The following COL4A6 variants were observed in gnomAD, a reference collection of about 807,000 sequenced individuals.
COL4A6 encodes the protein collagen alpha-6(IV) chain.
Under a neutral mutation model 126.7 loss-of-function variants are expected in COL4A6, and 59 were observed. The observed-to-expected ratio is 0.47, with a 90% CI of 0.38 to 0.58. The LOEUF (loss-of-function observed/expected upper bound fraction) is 0.58, where lower values mean the gene tolerates loss of function less well. Ranked by LOEUF, COL4A6 falls within the 20% of genes least tolerant of loss-of-function variation. COL4A6 has a pLI of 0.00. For synonymous variants in COL4A6, 547 were observed against 496.6 expected (o/e 1.10, Z -1.35); for missense variants, 1,285 against 1,337.3 (o/e 0.96, Z 0.61).
intron 3 of COL4A6, among the ~76,000 whole-genome samples, chrX:108,289,242 A>AGTGT (rs34639525): frequency 0.11 from 9,887 of 91,166 alleles, 503 homozygotes; most frequent in East Asian, 0.24. Context: ...CAATGAGTAT[A>AGTGT]GTGTGTGTGT....
At chrX:108,244,867 G>C (rs1204129737) in intron 3 of COL4A6, among the ~76,000 whole-genome samples, 1 of 111,823 alleles carries the variant, frequency 8.9e-6, no homozygotes, top group Non-Finnish European at 1.9e-5. Flanking sequence ...GGCTAGGCTT[G>C]ACCCAAGGAA....
At chrX:108,160,770 T>A (rs2033906439) in intron 42 of COL4A6, 116 bp from the exon 43 acceptor site, 3 of 659,097 alleles carry the variant, frequency 4.6e-6, no homozygotes, top group South Asian at 8.6e-5. Context: ...TCTCACTCAA[T>A]CCTCACGATG....
At chrX:108,432,854 AC>A (rs1197535908) in intron 2 of COL4A6, among the ~76,000 whole-genome samples, 2 of 111,686 alleles carry the variant, frequency 1.8e-5, no homozygotes, top group Non-Finnish European at 3.8e-5. Flanking sequence ...AAACAAAAAA[AC>A]AAAACAAAAC....
chrX:108,165,576 G>T, intron 37 of COL4A6, 90 bp from the exon 38 acceptor site: 1 of 593,042 alleles, frequency 1.7e-6, no homozygotes. Flanking sequence ...CTCACACAGA[G>T]AAAATGGAAG....
rs2041367425 is a variant in COL4A6, at chrX:108,413,378, A to G, written c.63+24564T>C. Among the ~76,000 whole-genome samples, 2 of 112,301 alleles carry G rather than the reference A, an allele frequency of 1.8e-5. 1 individual carries two copies. Among genetic ancestry groups the G allele is most frequent in the Admixed American group, 1.9e-4 (2 of 10,655 alleles). On this transcript the variant is annotated intron_variant, in intron 2 of 44. Coordinates refer to ENST00000334504, the MANE Select transcript of COL4A6 (RefSeq NM_033641.4). Reference sequence around the variant, plus strand: ...GTGTCATTCCAGTCCATGTGAGCTGATTCAGCATGTTCTTTAGGATCCAAA... The same window carrying G: ...GTGTCATTCCAGTCCATGTGAGCTGGTTCAGCATGTTCTTTAGGATCCAAA...
chrX:108,287,219 C>T (rs1294956253), intron 3 of COL4A6, among the ~76,000 whole-genome samples: 2 of 112,086 alleles, frequency 1.8e-5, no homozygotes, highest in Admixed American at 1.9e-4. Context: ...ACTGTTTAAA[C>T]GTCTTTGTCT....
intron 3 of COL4A6, among the ~76,000 whole-genome samples, chrX:108,242,902 TA>T (rs776303309): frequency 1.4e-4 from 16 of 111,191 alleles, no homozygotes; most frequent in Non-Finnish European, 2.3e-4. Flanking sequence ...AACAATCCCA[TA>T]GCATATAAAA....
intron 3 of COL4A6, among the ~76,000 whole-genome samples, chrX:108,266,362 C>T (rs2037302907): frequency 9.0e-6 from 1 of 111,536 alleles, no homozygotes; most frequent in Non-Finnish European, 1.9e-5. Context: ...AAGAATGGAG[C>T]TAGTAATGCT....
At chrX:108,378,030 G>T (rs1204598985) in intron 2 of COL4A6, among the ~76,000 whole-genome samples, 1 of 108,078 alleles carries the variant, frequency 9.3e-6, no homozygotes, top group Non-Finnish European at 1.9e-5. Flanking sequence ...ATTAAAGTAG[G>T]CAGTCCATTT....
Position 108,179,423 on chromosome X carries a change from C to T in COL4A6, c.2147G>A (p.Arg716His), listed in dbSNP as rs373881788. The T allele has an allele frequency of 7.3e-5, 88 of 1,201,437 alleles. No homozygotes were observed. The highest frequency in any genetic ancestry group is 1.1e-4 in the African/African-American group (6 of 56,975). ...AAACCCAGGCAAGCCCTTCTCCCCA[C>T]GAGGTCCAGGAAATCCTAAACGTAA... ...LPELPGFPGP[R>H]GEKGLPGFPG... Residue 716 changes from arginine to histidine, a missense_variant, in exon 26 of 45, where the codon CGT (arginine) becomes CAT (histidine). By Grantham distance (29) the Arg-to-His change is conservative. Transcript: ENST00000334504.
At chrX:108,195,678 A>G (rs1354958914) in intron 14 of COL4A6, among the ~76,000 whole-genome samples, 1 of 112,220 alleles carries the variant, frequency 8.9e-6, no homozygotes, top group Non-Finnish European at 1.9e-5. Context: ...GGAATTTGAT[A>G]GAAAGGCTGG....
chrX:108,331,912 T>C (rs1349039303), intron 2 of COL4A6, among the ~76,000 whole-genome samples: 1 of 111,225 alleles, frequency 9.0e-6, no homozygotes, highest in African/African-American at 3.3e-5. Flanking sequence ...ATATGTTGAG[T>C]AGCAGTGAAG....
intron 3 of COL4A6, among the ~76,000 whole-genome samples, chrX:108,229,570 A>T (rs1029185005): frequency 2.7e-5 from 3 of 112,613 alleles, no homozygotes; most frequent in African/African-American, 9.7e-5. Flanking sequence ...ACAGGATCAA[A>T]GACCACACTT....
At chrX:108,229,953 G>T (rs1343545228) in intron 3 of COL4A6, among the ~76,000 whole-genome samples, 1 of 112,333 alleles carries the variant, frequency 8.9e-6, no homozygotes, top group Non-Finnish European at 1.9e-5. Flanking sequence ...AAACTATAAG[G>T]ATTTAGTGCC....
At chrX:108,257,490 C>A (rs1427635574) in intron 3 of COL4A6, among the ~76,000 whole-genome samples, 4 of 111,603 alleles carry the variant, frequency 3.6e-5, no homozygotes, top group Non-Finnish European at 7.5e-5. Context: ...CTAAGGTAGA[C>A]CCATTACTGT....
intron 2 of COL4A6, among the ~76,000 whole-genome samples, chrX:108,337,978 GAT>G (rs1359647088): frequency 9.0e-6 from 1 of 111,001 alleles, no homozygotes; most frequent in Non-Finnish European, 1.9e-5. Flanking sequence ...CTGATGTCAC[GAT>G]ACTGTAATTA....
chrX:108,238,088 G>T, intron 3 of COL4A6, among the ~76,000 whole-genome samples: 1 of 95,349 alleles, frequency 1.0e-5, no homozygotes, highest in African/African-American at 4.0e-5. Context: ...CTATCTATCT[G>T]GTTTTGGGTG....
intron 3 of COL4A6, among the ~76,000 whole-genome samples, chrX:108,270,707 T>A (rs1052061097): frequency 3.6e-5 from 4 of 112,352 alleles, no homozygotes; most frequent in Non-Finnish European, 7.5e-5. Flanking sequence ...CTTTTTCAAA[T>A]TTTCAAACCT....
In COL4A6 at chrX:108,369,254, G is replaced by A. The variant is rs760723194; in HGVS notation, c.64-58426C>T. ...ATTATAATCTTATAGGACTACCATCGTACATGTGGTTCACTGTTGACCAAA... is the reference window on the plus strand; with the variant it reads ...ATTATAATCTTATAGGACTACCATCATACATGTGGTTCACTGTTGACCAAA... On this transcript the variant is annotated intron_variant, in intron 2 of 44. Transcript: ENST00000334504. 1.1e-4 allele frequency among the ~76,000 whole-genome samples: 12 copies of A among 111,513 alleles called. No homozygotes were observed. The South Asian group carries it at 3.4e-3, about 32-fold the overall frequency.
Sources: gnomAD v4.1 joint callset for allele counts (sites outside exome capture counted in the v4.1 genomes callset) on GRCh38, gnomAD v4.1.1 for gene constraint, MANE v1.5 for transcripts, NCBI Gene and HGNC (gene_info 2026-07-23, HGNC 2026-07-21) for gene names.